The following TAF5L variants were observed in gnomAD, a reference collection of about 807,000 sequenced individuals.
TAF5L encodes the protein TATA-box binding protein associated factor 5 like.
A neutral mutation model predicts 51.3 loss-of-function variants in TAF5L; 7 were observed. That is an observed-to-expected ratio of 0.14 (90% CI 0.08 to 0.26). The LOEUF is 0.26. Among genes scored for constraint, TAF5L ranks in the 10% least tolerant of loss-of-function variants. TAF5L has a pLI of 1.00. For missense variants in TAF5L, 575 were observed against 758.9 expected (o/e 0.76, Z 2.85); for synonymous variants, 291 against 308.1 (o/e 0.94, Z 0.58).
At chr1:229,620,634 GTTTAT>G (rs1201340735) in intron 1 of TAF5L, among the ~76,000 whole-genome samples, 3 of 152,252 alleles carry the variant, frequency 2.0e-5, no homozygotes, top group Non-Finnish European at 4.4e-5. Flanking sequence ...ATTCTTGAGA[GTTTAT>G]TTTAAGCTCG....
chr1:229,602,300 G>A lies in TAF5L; in HGVS notation c.867C>T (p.Asn289=). ...GTAAACTCCAAAGTTTTATACAGGA[G>A]TTGTCAAACCCAGCAGCAAGCAGCT... The change falls in exon 4 of 5, where the codon AAC becomes AAT. Residue 289 remains asparagine (N), a synonymous_variant. Transcript: ENST00000258281. The surrounding 1 kb of genome is among the most constrained non-coding windows in gnomAD (Gnocchi z 4.6). 1 of 1,614,176 alleles carries A rather than the reference G, an allele frequency of 6.2e-7. No individual in the cohort carries two copies. Among genetic ancestry groups the A allele is most frequent in the Non-Finnish European group, 8.5e-7 (1 of 1,180,036 alleles).
chr1:229,623,041 C>G (rs1337246798), intron 1 of TAF5L, among the ~76,000 whole-genome samples: 1 of 152,206 alleles, frequency 6.6e-6, no homozygotes, highest in African/African-American at 2.4e-5. Flanking sequence ...CTTTGGGAGG[C>G]TGAGGTGGGT....
At chr1:229,604,896 G>C (rs922951849) in intron 3 of TAF5L, among the ~76,000 whole-genome samples, 1 of 152,006 alleles carries the variant, frequency 6.6e-6, no homozygotes, top group African/African-American at 2.4e-5. Context: ...AAATATCTTC[G>C]CATTCTTTCC....
intron 4 of TAF5L, chr1:229,601,334 C>A: frequency 1.0e-6 from 1 of 985,326 alleles, no homozygotes; most frequent in African/African-American, 1.7e-5. Flanking sequence ...AATTTTCCAT[C>A]CAAAGTAATG....
rs758370593 is a variant in TAF5L, at chr1:229,602,154, T to C, written c.972+41A>G. The C allele has an allele frequency of 8.2e-6, 13 of 1,582,134 alleles. No individual in the cohort carries two copies. The highest frequency in any genetic ancestry group is 1.2e-5 in the South Asian group (1 of 85,588). ...TTTGGTAAGGACATTCTAAGGAAAT[T>C]AGGAAGGCGGGTGCAGGGAAGAAAA... On this transcript the variant is annotated intron_variant, in intron 4 of 4. Transcript: ENST00000258281. This position sits in a 1 kb window ranked among gnomAD's most constrained non-coding sequence, Gnocchi z 4.6.
chr1:229,598,865 ATTTTTG>A (rs1406995621), intron 4 of TAF5L, among the ~76,000 whole-genome samples: 1 of 151,796 alleles, frequency 6.6e-6, no homozygotes. Flanking sequence ...CGCCCAGCTA[ATTTTTG>A]TATTTTTCAT....
In TAF5L at chr1:229,615,735, C is replaced by T. The variant is rs747289002; in HGVS notation, c.-3-1250G>A. The stretch of plus-strand genomic sequence containing the variant: ...CTTTGCCAGAAATAAATACTGCAGT[C>T]CAGATGACCAATGACAGCTGGATGA... On this transcript the variant is annotated intron_variant, in intron 1 of 4. Transcript: ENST00000258281. Among the ~76,000 whole-genome samples the T allele has an allele frequency of 5.9e-5, 9 of 152,120 alleles. 1 individual carries two copies. In the South Asian group the frequency reaches 1.7e-3, roughly 28 times the overall value.
intron 4 of TAF5L, chr1:229,600,279 A>G (rs1029221738): frequency 1.6e-5 from 16 of 985,252 alleles, no homozygotes; most frequent in Non-Finnish European, 2.4e-6. Flanking sequence ...CCTCAACAAC[A>G]GAATAGGAGA....
intron 3 of TAF5L, among the ~76,000 whole-genome samples, chr1:229,605,469 T>C (rs1366922730): frequency 6.6e-6 from 1 of 152,166 alleles, no homozygotes; most frequent in Non-Finnish European, 1.5e-5. Flanking sequence ...ATTTGGAGAT[T>C]AAGTATGGAA....
rs574573363 is a variant in TAF5L at position 229,594,840 on chromosome 1, C to T, written c.1227G>A (p.Arg409=). 1 of 1,614,208 alleles carries T rather than the reference C, an allele frequency of 6.2e-7. No homozygotes were observed. The highest frequency in any genetic ancestry group is 8.5e-7 in the Non-Finnish European group (1 of 1,180,034). Reference sequence around the variant, plus strand: ...GGTACGTCCGATCAAATGACCACAGCCTGGCGGTGCGGTCGTGGGACCCGC... The same window carrying T: ...GGTACGTCCGATCAAATGACCACAGTCTGGCGGTGCGGTCGTGGGACCCGC... The change falls in exon 5 of 5, where the codon AGG becomes AGA. Residue 409 remains arginine (R), a synonymous_variant. Transcript: ENST00000258281. The surrounding 1 kb of genome is among the most constrained non-coding windows in gnomAD (Gnocchi z 7.9).
At chr1:229,605,440 T>C (rs1316059367) in intron 3 of TAF5L, among the ~76,000 whole-genome samples, 2 of 152,202 alleles carry the variant, frequency 1.3e-5, no homozygotes, top group Non-Finnish European at 2.9e-5. Flanking sequence ...GGTGGAAGTA[T>C]GAACTTGTTA....
chr1:229,620,624 A>T (rs1665166259), intron 1 of TAF5L, among the ~76,000 whole-genome samples: 1 of 152,146 alleles, frequency 6.6e-6, no homozygotes, highest in Non-Finnish European at 1.5e-5. Flanking sequence ...GCTTCTTGGA[A>T]TTCTTGAGAG....
intron 4 of TAF5L, chr1:229,600,885 G>A (rs1664347870): frequency 1.0e-6 from 1 of 984,942 alleles, no homozygotes. Context: ...TCCAAACTCT[G>A]TATCATCAAA....
In TAF5L at chr1:229,625,485, G is replaced by A. The variant is rs1284367485; in HGVS notation, c.-4+400C>T. ...AAAGACATTTCCTTTTCCCCTACAT[G>A]CAAAGGAGCTGTGGAGCCGTGCTCC... On this transcript the variant is annotated intron_variant, in intron 1 of 4. Transcript: ENST00000258281. This position sits in a 1 kb window ranked among gnomAD's most constrained non-coding sequence, Gnocchi z 4.0. Among the ~76,000 whole-genome samples, 1 of 152,134 alleles carries A rather than the reference G, an allele frequency of 6.6e-6. No individual in the cohort carries two copies. The highest frequency in any genetic ancestry group is 2.4e-5 in the African/African-American group (1 of 41,444).
chr1:229,616,055 C>T (rs750232046), intron 1 of TAF5L, among the ~76,000 whole-genome samples: 8 of 152,122 alleles, frequency 5.3e-5, no homozygotes, highest in Non-Finnish European at 1.0e-4. Flanking sequence ...TGCTCTGTCA[C>T]CCAGACTGGA....
chr1:229,597,455 G>T (rs1664167611), intron 4 of TAF5L, among the ~76,000 whole-genome samples: 1 of 152,206 alleles, frequency 6.6e-6, no homozygotes, highest in African/African-American at 2.4e-5. Context: ...AAACCAGAAT[G>T]TTCCTGTTGG....
At chr1:229,600,894 A>C in intron 4 of TAF5L, 1 of 985,216 alleles carries the variant, frequency 1.0e-6, no homozygotes, top group Non-Finnish European at 1.2e-6. Context: ...TGTATCATCA[A>C]AGCTAATAAG....
rs1664445357 is a variant in TAF5L, at chr1:229,602,989, A to T, written c.248-70T>A. The T allele has an allele frequency of 2.3e-5, 35 of 1,489,374 alleles. No individual in the cohort carries two copies. In the South Asian group the frequency reaches 4.3e-4, roughly 18 times the overall value. The allele number at this position is 1,489,374 out of a possible 1,614,324, so 92.3% of individuals were successfully genotyped here. A position where few individuals can be genotyped will look rare whatever the true frequency, so the allele number is the denominator to read the frequency against. On this transcript the variant is annotated intron_variant, in intron 3 of 4. Coordinates refer to ENST00000258281, the Ensembl canonical transcript of TAF5L. This position sits in a 1 kb window ranked among gnomAD's most constrained non-coding sequence, Gnocchi z 4.6. ...CAGAATAACGTGATCCCTCCTGGGG[A>T]TCACCACCATCATATAATGCTTTCT... is the stretch of plus-strand genomic sequence containing the variant.
rs1369037134 is a variant in TAF5L, at chr1:229,594,071, A to T, written c.*226T>A. On this transcript the variant is annotated 3_prime_UTR_variant, in exon 5 of 5. Transcript: ENST00000258281. This position sits in a 1 kb window ranked among gnomAD's most constrained non-coding sequence, Gnocchi z 7.9. Reference sequence around the variant, plus strand: ...AGGACTTGTGAGTGACCTCCAGGGCACTCTAATTCTTGATCACTCATCATT... The same window carrying T: ...AGGACTTGTGAGTGACCTCCAGGGCTCTCTAATTCTTGATCACTCATCATT... 7.6e-6 allele frequency: 4 copies of T among 526,482 alleles called. No homozygotes were observed. The highest frequency in any genetic ancestry group is 1.4e-5 in the Non-Finnish European group (4 of 289,040). The allele number at this position is 526,482 out of a possible 1,614,324, so 32.6% of individuals were successfully genotyped here.
Sources: allele counts gnomAD v4.1 joint callset (sites outside exome capture counted in the v4.1 genomes callset), GRCh38; gene constraint gnomAD v4.1.1; non-coding constraint Gnocchi (gnomAD v3.1); transcripts MANE v1.5; gene names NCBI Gene and HGNC (gene_info 2026-07-23, HGNC 2026-07-21).